The following PLSCR1 variants were observed in gnomAD, a reference collection of about 807,000 sequenced individuals.
PLSCR1 encodes phospholipid scramblase 1, also known as PL scramblase 1.
PLSCR1 carries 17 observed loss-of-function variants against 37.8 expected under a neutral mutation model. That is an observed-to-expected ratio of 0.45 (90% CI 0.31 to 0.68). PLSCR1 has a LOEUF of 0.68. Ranked by LOEUF, PLSCR1 falls within the 30% of genes least tolerant of loss-of-function variation. The pLI is 0.06. For synonymous variants in PLSCR1, 116 were observed against 125.9 expected (o/e 0.92, Z 0.53); for missense variants, 347 against 380.9 (o/e 0.91, Z 0.74).
At chr3:146,519,016 A>C (rs981648127) in intron 7 of PLSCR1, among the ~76,000 whole-genome samples, 2 of 152,216 alleles carry the variant, frequency 1.3e-5, no homozygotes, top group Non-Finnish European at 2.9e-5. Flanking sequence ...GTATGTAGCA[A>C]AGAAATATAA....
intron 1 of PLSCR1, among the ~76,000 whole-genome samples, chr3:146,543,641 C>G (rs1310381745): frequency 6.6e-6 from 1 of 152,206 alleles, no homozygotes; most frequent in Non-Finnish European, 1.5e-5. Flanking sequence ...CACCTGGGAA[C>G]CAGAGAATCA....
rs574378066 is a variant in PLSCR1, at chr3:146,515,461, G to A, written c.*584C>T. ...CTTTACTAACAATAATTTGAAAATT[G>A]GTAATTTAATATCTTGTGAATATGA... On this transcript the variant is annotated 3_prime_UTR_variant, in exon 9 of 9. Coordinates refer to ENST00000342435, the MANE Select transcript of PLSCR1 (RefSeq NM_021105.3). The A allele has an allele frequency of 2.0e-5, 3 of 151,848 alleles. No homozygotes were observed. The South Asian group carries it at 6.2e-4, about 32-fold the overall frequency. 9.4% of individuals were successfully genotyped at this position (151,848 alleles called of 1,614,324 possible).
rs1489154363 is a variant in PLSCR1 at position 146,515,962 on chromosome 3, G to A, written c.*83C>T. The stretch of plus-strand genomic sequence containing the variant: ...TACAACCAGAGCTACAGGCCTTACA[G>A]CTTAATTCATACAGGTATGAGTTTA... On this transcript the variant is annotated 3_prime_UTR_variant, in exon 9 of 9. Coordinates refer to ENST00000342435, the MANE Select transcript of PLSCR1 (RefSeq NM_021105.3). The A allele has an allele frequency of 1.2e-6, 1 of 845,074 alleles. No homozygotes were observed. The highest frequency in any genetic ancestry group is 2.6e-5 in the East Asian group (1 of 38,904). 52.3% of individuals were successfully genotyped at this position (845,074 alleles called of 1,614,324 possible).
chr3:146,520,928 C>T (rs1043059677), intron 7 of PLSCR1, among the ~76,000 whole-genome samples: 1 of 151,976 alleles, frequency 6.6e-6, no homozygotes, highest in African/African-American at 2.4e-5. Flanking sequence ...TAAAAGTAGA[C>T]CATCTGTTGT....
chr3:146,543,157 TA>T (rs2044358749), intron 1 of PLSCR1, among the ~76,000 whole-genome samples: 1 of 152,004 alleles, frequency 6.6e-6, no homozygotes, highest in African/African-American at 2.4e-5. Context: ...CTCATTCAAG[TA>T]AAGGAAGACG....
chr3:146,522,265 G>A lies in PLSCR1; in HGVS notation c.356-212C>T, dbSNP rs1018459286. Among the ~76,000 whole-genome samples the A allele has an allele frequency of 1.3e-5, 2 of 152,080 alleles. No individual in the cohort carries two copies. Among genetic ancestry groups the A allele is most frequent in the Non-Finnish European group, 2.9e-5 (2 of 68,028 alleles). Reference sequence around the variant, plus strand: ...TATAGAGAAATTAAGTCCTTATGCCGTGGGGAAAAGAGAGATCAGATTGTT... The same window carrying A: ...TATAGAGAAATTAAGTCCTTATGCCATGGGGAAAAGAGAGATCAGATTGTT... On this transcript the variant is annotated intron_variant, in intron 5 of 8. Coordinates refer to ENST00000342435, the MANE Select transcript of PLSCR1 (RefSeq NM_021105.3).
At chr3:146,529,694 T>C (rs148130763) in intron 3 of PLSCR1, among the ~76,000 whole-genome samples, 2,780 of 152,172 alleles carry the variant, frequency 0.018, 49 homozygotes, top group Non-Finnish European at 0.023. Context: ...TTGTATTTTT[T>C]AGTAGAGACG....
In PLSCR1 at chr3:146,525,633, C is replaced by T. The variant is rs771838832; in HGVS notation, c.327G>A (p.Leu109=). 1 of 1,511,060 alleles carries T rather than the reference C, an allele frequency of 6.6e-7. No homozygotes were observed. The allele number at this position is 1,511,060 out of a possible 1,614,324, so 93.6% of individuals were successfully genotyped here. A position where few individuals can be genotyped will look rare whatever the true frequency, so the allele number is the denominator to read the frequency against. The part of the protein sequence containing the change: ...LEYLSQIDQI[L]IHQQIELLEV... ...CCAGAAGTTCAATTTGCTGATGAAT[C>T]AGTATCTGATCTATCTATAGCAGGA... Residue 109 remains leucine (L), a synonymous_variant, in exon 5 of 9, where the codon CTG becomes CTA. Coordinates refer to ENST00000342435, the MANE Select transcript of PLSCR1 (RefSeq NM_021105.3).
chr3:146,540,367 G>T (rs2044323159), intron 1 of PLSCR1, among the ~76,000 whole-genome samples: 1 of 152,074 alleles, frequency 6.6e-6, no homozygotes, highest in African/African-American at 2.4e-5. Context: ...TGCTTCTCTG[G>T]ACTATTTGAT....
intron 1 of PLSCR1, chr3:146,536,961 C>G (rs2044273252): frequency 6.1e-6 from 1 of 163,816 alleles, no homozygotes; most frequent in African/African-American, 2.4e-5. Context: ...ACTGGAAATG[C>G]TTGGCCCAGT....
At chr3:146,531,771 A>T (rs547675663) in intron 3 of PLSCR1, among the ~76,000 whole-genome samples, 1 of 152,328 alleles carries the variant, frequency 6.6e-6, no homozygotes, top group South Asian at 2.1e-4. Context: ...ATAGATAGGA[A>T]CTCTGAGGCT....
chr3:146,528,961 G>A (rs755651891), intron 3 of PLSCR1, 130 bp from the exon 4 acceptor site: 10 of 653,366 alleles, frequency 1.5e-5, no homozygotes, highest in Non-Finnish European at 2.3e-5. Context: ...TGTTTAATAC[G>A]CTTTTCTCTT....
intron 1 of PLSCR1, among the ~76,000 whole-genome samples, chr3:146,543,853 G>A (rs1292845389): frequency 1.3e-5 from 2 of 152,192 alleles, no homozygotes; most frequent in Non-Finnish European, 2.9e-5. Context: ...CAGACGTGAA[G>A]CAGTAGAGGC....
At position 146,525,934 on chromosome 3, in the gene PLSCR1, A is replaced by G. The variant is rs865894134; in HGVS notation, c.313-287T>C. On this transcript the variant is annotated intron_variant, in intron 4 of 8. Coordinates refer to ENST00000342435, the MANE Select transcript of PLSCR1 (RefSeq NM_021105.3). ...TGAGGTGGCTCATGCCTGTAATCCC[A>G]GCACTTTGGGAGGCCAAAGTGGGCA... 5.9e-5 allele frequency among the ~76,000 whole-genome samples: 9 copies of G among 152,142 alleles called. No individual in the cohort carries two copies. In the Middle Eastern group the frequency reaches 0.014, roughly 230 times the overall value.
intron 7 of PLSCR1, chr3:146,520,147 A>T (rs985717196): frequency 3.3e-5 from 5 of 152,100 alleles, no homozygotes; most frequent in African/African-American, 1.2e-4. Flanking sequence ...CTATTTCTCA[A>T]TTCTTTCCAT....
chr3:146,524,500 A>G lies in PLSCR1; in HGVS notation c.355+1105T>C, dbSNP rs188727832. The stretch of plus-strand genomic sequence containing the variant: ...ATAATTAAAAACTGTTAGATTTGGA[A>G]CTTTCTATTTCATAATTAACACATA... On this transcript the variant is annotated intron_variant, in intron 5 of 8. Coordinates refer to ENST00000342435, the MANE Select transcript of PLSCR1 (RefSeq NM_021105.3). 4.0e-3 allele frequency among the ~76,000 whole-genome samples: 608 copies of G among 152,078 alleles called. 6 individuals are homozygous for G. The highest frequency in any genetic ancestry group is 6.2e-3 in the Non-Finnish European group (422 of 67,958).
chr3:146,516,295 T>G lies in PLSCR1; in HGVS notation c.901-194A>C. Reference sequence around the variant, plus strand: ...TTGGCTTTCCATTTTAATAATAAATTCTATAATTCTATTCATTTATTGATA... The same window carrying G: ...TTGGCTTTCCATTTTAATAATAAATGCTATAATTCTATTCATTTATTGATA... On this transcript the variant is annotated intron_variant, in intron 8 of 8. Coordinates refer to ENST00000342435, the MANE Select transcript of PLSCR1 (RefSeq NM_021105.3). The G allele has an allele frequency of 6.9e-6, 3 of 432,172 alleles. No homozygotes were observed. In the South Asian group the frequency reaches 1.3e-4, roughly 19 times the overall value. 26.8% of individuals were successfully genotyped at this position (432,172 alleles called of 1,614,324 possible).
chr3:146,521,925 A>C lies in PLSCR1; in HGVS notation c.484T>G (p.Leu162Val), dbSNP rs1332593955. Residue 162 changes from leucine to valine, a missense_variant, in exon 6 of 9, where the codon TTG becomes GTG. Leu to Val is a conservative substitution (Grantham distance 32). Coordinates refer to ENST00000342435, the MANE Select transcript of PLSCR1 (RefSeq NM_021105.3). ...NCCGPSRPFT[L>V]RIIDNMGQEV... ...TGACCCATATTATCAATAATCCTCA[A>C]GGTAAAAGGTCTAGATGGCCCACAG... 1 of 1,613,460 alleles carries C rather than the reference A, an allele frequency of 6.2e-7. No individual in the cohort carries two copies. Among genetic ancestry groups the C allele is most frequent in the Admixed American group, 1.7e-5 (1 of 60,016 alleles).
intron 4 of PLSCR1, among the ~76,000 whole-genome samples, chr3:146,526,097 C>A (rs953955141): frequency 1.4e-5 from 2 of 146,992 alleles, no homozygotes; most frequent in Non-Finnish European, 3.0e-5. Context: ...GCAGGAGAAT[C>A]GCCTGAACCC....
Sources: gnomAD v4.1 joint callset for allele counts (sites outside exome capture counted in the v4.1 genomes callset) on GRCh38, gnomAD v4.1.1 for gene constraint, MANE v1.5 for transcripts, NCBI Gene and HGNC (gene_info 2026-07-23, HGNC 2026-07-21) for gene names.